PARD3B: variants seen among roughly 807,000 people sequenced by gnomAD.
PARD3B encodes par-3 family cell polarity regulator beta.
In PARD3B, 103 loss-of-function variants were observed where a neutral mutation model predicts 130.2. The observed-to-expected ratio is 0.79, with a 90% confidence interval of 0.67 to 0.93. The LOEUF (loss-of-function observed/expected upper bound fraction) is 0.93. Ranked by LOEUF, PARD3B falls within the 40% of genes least tolerant of loss-of-function variation. PARD3B has a pLI of 0.00. For synonymous variants in PARD3B, 583 were observed against 553.2 expected, an observed-to-expected ratio of 1.05 and a Z score of -0.76; for missense variants, 1,609 against 1,499.2, an observed-to-expected ratio of 1.07 and a Z score of -1.21.
intron 19 of PARD3B, among the ~76,000 whole-genome samples, chr2:205,412,797 A>C (rs2046645686): frequency 6.6e-6 from 1 of 152,214 alleles, no homozygotes; most frequent in Non-Finnish European, 1.5e-5. Context: ...TGGAAATTCA[A>C]TGAAACCTCG....
chr2:205,604,350 T>C (rs915590011), intron 22 of PARD3B, among the ~76,000 whole-genome samples: 2 of 152,106 alleles, frequency 1.3e-5, no homozygotes, highest in East Asian at 3.9e-4. Context: ...ATGTCTTACA[T>C]AGATGGCAGC....
chr2:205,378,127 C>T (rs2045141406), intron 18 of PARD3B, among the ~76,000 whole-genome samples: 1 of 152,124 alleles, frequency 6.6e-6, no homozygotes, highest in African/African-American at 2.4e-5. Flanking sequence ...CACCTCACCC[C>T]ACAAAAGCAA....
At chr2:204,953,410 TACACAC>T (rs748325733) in intron 2 of PARD3B, among the ~76,000 whole-genome samples, 6 of 115,740 alleles carry the variant, frequency 5.2e-5, no homozygotes, top group African/African-American at 2.2e-4. Context: ...TATGTTAACA[TACACAC>T]ACACAGAGAG....
At chr2:204,674,779 T>C (rs970658423) in intron 1 of PARD3B, among the ~76,000 whole-genome samples, 1 of 152,200 alleles carries the variant, frequency 6.6e-6, no homozygotes, top group African/African-American at 2.4e-5. Flanking sequence ...CAGTCATTCA[T>C]ATACACAAAG....
intron 20 of PARD3B, among the ~76,000 whole-genome samples, chr2:205,481,843 G>T (rs1006187821): frequency 6.6e-6 from 1 of 152,158 alleles, no homozygotes; most frequent in Non-Finnish European, 1.5e-5. Flanking sequence ...CATCTCTAAT[G>T]AGCACAGAGA....
At chr2:204,601,610 C>G (rs2033516907) in intron 1 of PARD3B, among the ~76,000 whole-genome samples, 1 of 151,906 alleles carries the variant, frequency 6.6e-6, no homozygotes, top group Admixed American at 6.6e-5. Context: ...ATATGTAGAT[C>G]TCTTGTTACA....
chr2:205,232,501 A>C (rs1235030133), intron 15 of PARD3B, among the ~76,000 whole-genome samples: 6 of 152,172 alleles, frequency 3.9e-5, no homozygotes, highest in Non-Finnish European at 7.3e-5. Context: ...AAAAAGGTAA[A>C]ATTTCTAATA....
intron 15 of PARD3B, among the ~76,000 whole-genome samples, chr2:205,194,950 A>ATTTTTTTTTTTTTTTTTTTTTTTTTTT (rs56836818): frequency 9.0e-6 from 1 of 111,224 alleles, no homozygotes; most frequent in Non-Finnish European, 1.7e-5. Context: ...CGCCAGGCTA[A>ATTTTTTTTTTTTTTTTTTTTTTTTTTT]TTTTTTTTTT....
intron 15 of PARD3B, among the ~76,000 whole-genome samples, chr2:205,245,394 T>A (rs943547804): frequency 6.6e-6 from 1 of 152,176 alleles, no homozygotes; most frequent in Non-Finnish European, 1.5e-5. Flanking sequence ...GTATTTAATA[T>A]ACACACAGAC....
rs948621500 is a variant in PARD3B, at chr2:205,280,817, A to C, written c.2186-19713A>C. 5.9e-5 allele frequency among the ~76,000 whole-genome samples: 9 copies of C among 152,212 alleles called. No individual in the cohort carries two copies. The highest frequency in any genetic ancestry group is 2.1e-4 in the South Asian group (1 of 4,830). On this transcript the variant is annotated intron_variant, in intron 16 of 22. Transcript: ENST00000406610. This position sits in a 1 kb window ranked among gnomAD's most constrained non-coding sequence, Gnocchi z 4.7. ...CTCTTGATGGATGGGGAACAAACCA[A>C]ATAAATACAGTATTTTATGTTCTTT...
chr2:204,782,936 T>C (rs1444573669), intron 2 of PARD3B, among the ~76,000 whole-genome samples: 3 of 151,938 alleles, frequency 2.0e-5, no homozygotes, highest in Non-Finnish European at 2.9e-5. Context: ...ACAAGGAGAG[T>C]GGGTCTTCCA....
chr2:205,040,383 C>G (rs1470888088), intron 3 of PARD3B, among the ~76,000 whole-genome samples: 1 of 152,204 alleles, frequency 6.6e-6, no homozygotes, highest in Non-Finnish European at 1.5e-5. Flanking sequence ...GGAGCAGCTT[C>G]TTTGAGGTGA....
chr2:205,067,805 C>G (rs978440079), intron 4 of PARD3B, among the ~76,000 whole-genome samples: 1 of 152,126 alleles, frequency 6.6e-6, no homozygotes, highest in Non-Finnish European at 1.5e-5. Context: ...CAGCGTAATT[C>G]CATGAATACA....
At chr2:205,156,910 T>C (rs11678565) in intron 10 of PARD3B, among the ~76,000 whole-genome samples, 5 of 152,216 alleles carry the variant, frequency 3.3e-5, no homozygotes, top group Non-Finnish European at 7.3e-5. Context: ...TAAGTGTTAG[T>C]GCAAAGAGTG....
intron 2 of PARD3B, among the ~76,000 whole-genome samples, chr2:204,750,654 A>G (rs757478682): frequency 3.9e-5 from 6 of 152,096 alleles, no homozygotes; most frequent in Non-Finnish European, 5.9e-5. Flanking sequence ...ACATACATAC[A>G]TAAAAGGAAA....
intron 2 of PARD3B, among the ~76,000 whole-genome samples, chr2:204,938,943 A>AT (rs1688675205): frequency 6.6e-6 from 1 of 152,184 alleles, no homozygotes; most frequent in Non-Finnish European, 1.5e-5. Flanking sequence ...TATCTCAATG[A>AT]TTTGTGATAC....
At chr2:205,380,135 A>G (rs1016208599) in intron 18 of PARD3B, among the ~76,000 whole-genome samples, 1 of 128,274 alleles carries the variant, frequency 7.8e-6, no homozygotes, top group African/African-American at 2.9e-5. Context: ...TATATATATT[A>G]TATAAAGAAT....
intron 2 of PARD3B, among the ~76,000 whole-genome samples, chr2:204,844,766 C>T (rs2044396816): frequency 6.6e-6 from 1 of 152,060 alleles, no homozygotes; most frequent in South Asian, 2.1e-4. Flanking sequence ...TAAAATTTTT[C>T]TCAAGTGTAT....
intron 14 of PARD3B, among the ~76,000 whole-genome samples, chr2:205,189,177 C>T (rs1574332459): frequency 6.6e-6 from 1 of 152,262 alleles, no homozygotes. Flanking sequence ...TTTCTTCATG[C>T]ACATACCTGA....
Sources: allele counts gnomAD v4.1 joint callset (sites outside exome capture counted in the v4.1 genomes callset), GRCh38; gene constraint gnomAD v4.1.1; non-coding constraint Gnocchi (gnomAD v3.1); transcripts MANE v1.5; gene names NCBI Gene and HGNC (gene_info 2026-07-23, HGNC 2026-07-21).